The following CFAP57 variants were observed in gnomAD, a reference collection of about 807,000 sequenced individuals.
The protein encoded by CFAP57 is cilia and flagella associated protein 57, also known as cilia- and flagella-associated protein 57.
Under a neutral mutation model 146.8 loss-of-function variants are expected in CFAP57, and 116 were observed. The ratio of observed to expected loss-of-function variants is 0.79; its 90% CI spans 0.68 to 0.92. The LOEUF is 0.92. CFAP57 is among the 40% of genes least tolerant of loss of function. The probability of loss-of-function intolerance (pLI) is 0.00; values close to 1 mark genes in which losing one functional copy is unlikely to be tolerated. For synonymous variants in CFAP57, 518 were observed against 552.8 expected, an observed-to-expected ratio of 0.94 and a Z score of 0.88; for missense variants, 1,377 against 1,527.2, an observed-to-expected ratio of 0.90 and a Z score of 1.64.
At chr1:43,204,776 C>G (rs758123698) in intron 9 of CFAP57, among the ~76,000 whole-genome samples, 1 of 152,146 alleles carries the variant, frequency 6.6e-6, no homozygotes, top group Non-Finnish European at 1.5e-5. Context: ...AGAGTGATGG[C>G]TTTTGCATCA....
intron 21 of CFAP57, among the ~76,000 whole-genome samples, chr1:43,234,893 C>T (rs1054533141): frequency 6.6e-6 from 1 of 152,130 alleles, no homozygotes; most frequent in African/African-American, 2.4e-5. Flanking sequence ...CAATGCCCAC[C>T]TCCCTTCTCC....
At chr1:43,186,455 C>G (rs1415308559) in intron 5 of CFAP57, among the ~76,000 whole-genome samples, 1 of 151,588 alleles carries the variant, frequency 6.6e-6, no homozygotes, top group African/African-American at 2.4e-5. Flanking sequence ...ACTAAAAATA[C>G]AAAAAATTAG....
intron 6 of CFAP57, 34 bp from the exon 7 acceptor site, chr1:43,197,519 C>G: frequency 6.2e-7 from 1 of 1,614,154 alleles, no homozygotes; most frequent in Non-Finnish European, 8.5e-7. Context: ...CTTTTGCTTA[C>G]TCTGCGGGAT....
intron 18 of CFAP57, 64 bp downstream of exon 18, chr1:43,227,190 A>G: frequency 6.9e-7 from 1 of 1,441,598 alleles, no homozygotes; most frequent in Non-Finnish European, 9.1e-7. Flanking sequence ...ACAATTGGCT[A>G]GCTGGCCTCA....
At chr1:43,173,269 C>G (rs553782633) in intron 2 of CFAP57, among the ~76,000 whole-genome samples, 46 of 152,254 alleles carry the variant, frequency 3.0e-4, no homozygotes, top group Non-Finnish European at 5.4e-4. Context: ...ATTATATCAC[C>G]GTTTGAATCC....
At chr1:43,237,010 A>G (rs1645731354) in intron 21 of CFAP57, among the ~76,000 whole-genome samples, 1 of 152,112 alleles carries the variant, frequency 6.6e-6, no homozygotes, top group South Asian at 2.1e-4. Flanking sequence ...AGCCCATCAC[A>G]GGATGGGCCA....
chr1:43,224,351 G>C, intron 17 of CFAP57, 147 bp downstream of exon 17: 4 of 967,282 alleles, frequency 4.1e-6, no homozygotes, highest in South Asian at 4.0e-5. Flanking sequence ...AGTGCCTGTT[G>C]TGTGCTTGGC....
chr1:43,176,225 G>A (rs1645166443), intron 2 of CFAP57, among the ~76,000 whole-genome samples: 1 of 152,078 alleles, frequency 6.6e-6, no homozygotes, highest in African/African-American at 2.4e-5. Flanking sequence ...TCTGAGCAGG[G>A]AACTCCAGAG....
chr1:43,243,464 C>A, intron 22 of CFAP57, 105 bp downstream of exon 22: 1 of 1,254,620 alleles, frequency 8.0e-7, no homozygotes, highest in Non-Finnish European at 1.0e-6. Context: ...GTCCCATCTA[C>A]ACATGGCCTT....
At chr1:43,172,514 A>G (rs1782383) in intron 1 of CFAP57, 61 bp downstream of exon 1, 350,637 of 1,414,544 alleles carry the variant, frequency 0.25, 44,196 homozygotes, top group Middle Eastern at 0.3. Flanking sequence ...TACAAAGGAA[A>G]AGGCAGAAAA....
At chr1:43,206,317 CAG>C (rs1644355859) in intron 9 of CFAP57, 1 of 190,096 alleles carries the variant, frequency 5.3e-6, no homozygotes, top group African/African-American at 2.3e-5. Context: ...CCTACATTGT[CAG>C]AGAGAAGGTC....
At chr1:43,227,165 T>A in intron 18 of CFAP57, 39 bp downstream of exon 18, 1 of 1,470,704 alleles carries the variant, frequency 6.8e-7, no homozygotes, top group Non-Finnish European at 9.0e-7. Context: ...TCTCAGACCC[T>A]CTGTCTCTTC....
chr1:43,243,167 C>G (rs1004391534), intron 21 of CFAP57, 60 bp from the exon 22 acceptor site: 26 of 1,533,470 alleles, frequency 1.7e-5, no homozygotes, highest in Non-Finnish European at 2.2e-5. Flanking sequence ...GGAGGGTATG[C>G]CTTGTGCCCA....
intron 6 of CFAP57, among the ~76,000 whole-genome samples, chr1:43,197,235 C>T (rs936599290): frequency 6.6e-4 from 101 of 152,050 alleles, no homozygotes; most frequent in African/African-American, 2.3e-3. Flanking sequence ...CAGGCGCCTG[C>T]AGTCCCAGCT....
chr1:43,204,183 T>G (rs1367446718), intron 9 of CFAP57, among the ~76,000 whole-genome samples: 2 of 152,216 alleles, frequency 1.3e-5, no homozygotes, highest in African/African-American at 4.8e-5. Context: ...ATTTTTGAAC[T>G]AATTTCTGTT....
chr1:43,185,207 G>T lies in CFAP57; in HGVS notation c.820G>T (p.Ala274Ser). ...PLPSYEQMVAASSHSQMSMPQ... is the reference protein window; with the variant it reads ...PLPSYEQMVASSSHSQMSMPQ... ...CCCTTCCTATGAACAGATGGTGGCG[G>T]CCAGTAGCCATAGCCAGATGTCCAT... The change falls in exon 5 of 23, where the codon GCC becomes TCC. Residue 274 changes from alanine to serine, a missense_variant. Ala to Ser is a moderately conservative substitution (Grantham distance 99). Coordinates refer to ENST00000372492, the MANE Select transcript of CFAP57 (RefSeq NM_001378189.1). 6.2e-7 allele frequency: 1 copy of T among 1,614,132 alleles called. No individual in the cohort carries two copies. The highest frequency in any genetic ancestry group is 8.5e-7 in the Non-Finnish European group (1 of 1,180,042).
At position 43,227,245 on chromosome 1, in the gene CFAP57, G is replaced by C. The variant is rs1467892765; in HGVS notation, c.3009+119G>C. The C allele has an allele frequency of 5.7e-6, 7 of 1,224,740 alleles. No homozygotes were observed. The East Asian group carries it at 2.0e-4, about 35-fold the overall frequency. The allele number at this position is 1,224,740 out of a possible 1,614,324, so 75.9% of individuals were successfully genotyped here. A position where few individuals can be genotyped will look rare whatever the true frequency, so the allele number is the denominator to read the frequency against. On this transcript the variant is annotated intron_variant, in intron 18 of 22. Coordinates refer to ENST00000372492, the MANE Select transcript of CFAP57 (RefSeq NM_001378189.1). ...TCTCACAGTCCTCTCTGCTCCCAAG[G>C]TGTGTGCAGCCTCCAGTCCACAGGG...
At chr1:43,193,204 T>C (rs1370658767) in intron 6 of CFAP57, among the ~76,000 whole-genome samples, 2 of 152,232 alleles carry the variant, frequency 1.3e-5, no homozygotes, top group African/African-American at 4.8e-5. Context: ...TGTTGCTGTT[T>C]GTATGGTATA....
Position 43,243,243 on chromosome 1 carries a change from T to A in CFAP57, c.3422T>A (p.Ile1141Asn). The change falls in exon 22 of 23, where the codon ATC (isoleucine) becomes AAC (asparagine). Residue 1141 changes from isoleucine to asparagine, a missense_variant. Physicochemically the swap from Ile to Asn is moderately radical, Grantham distance 149. Transcript: ENST00000372492. ...VRIMQENVSL[I>N]KEINELRREL... ...TTTCTGCAGGAAAATGTCTCTCTGA[T>A]CAAGGAAATTAATGAGCTCCGCAGG... 6.5e-7 allele frequency: 1 copy of A among 1,549,992 alleles called. No individual in the cohort carries two copies. Among genetic ancestry groups the A allele is most frequent in the Non-Finnish European group, 8.7e-7 (1 of 1,146,700 alleles).
Sources: gnomAD v4.1 joint callset for allele counts (sites outside exome capture counted in the v4.1 genomes callset) on GRCh38, gnomAD v4.1.1 for gene constraint, MANE v1.5 for transcripts, NCBI Gene and HGNC (gene_info 2026-07-23, HGNC 2026-07-21) for gene names.